Variants in SPMIP4 observed in about 807,000 individuals in gnomAD.
SPMIP4 encodes sperm microtubule inner protein 4, also known as sperm-associated microtubule inner protein 4.
At chr7:25,155,072 C>G in the SPMIP4 span, 3 of 1,614,088 alleles carry the variant, frequency 1.9e-6, no homozygotes, top group Admixed American at 3.3e-5. Context: ...GAAAGGGCTG[C>G]TGGGTGCGGG....
chr7:25,127,050 C>T, the SPMIP4 span, among the ~76,000 whole-genome samples: 2 of 152,194 alleles, frequency 1.3e-5, no homozygotes, highest in East Asian at 1.9e-4. Context: ...AGTTTGCTGC[C>T]AGACTTATTA....
At chr7:25,136,568 G>A in the SPMIP4 span, 11 of 1,614,144 alleles carry the variant, frequency 6.8e-6, no homozygotes, top group East Asian at 6.7e-5. This position sits in a 1 kb window ranked among gnomAD's most constrained non-coding sequence, Gnocchi z 5.7. Context: ...TCAATATCCT[G>A]GTTTTTATGG....
At chr7:25,134,609 C>G in the SPMIP4 span, 1 of 905,312 alleles carries the variant, frequency 1.1e-6, no homozygotes, top group Non-Finnish European at 1.3e-6. Context: ...TAATTTCTAA[C>G]TAATTTCCAT....
the SPMIP4 span, among the ~76,000 whole-genome samples, chr7:25,126,430 G>A: frequency 3.6e-4 from 55 of 152,224 alleles, no homozygotes; most frequent in South Asian, 0.011. Flanking sequence ...ACCCGCATCG[G>A]CCTCCCAAAG....
chr7:25,125,825 G>C, the SPMIP4 span: 3 of 726,020 alleles, frequency 4.1e-6, no homozygotes, highest in East Asian at 1.3e-4. Context: ...CTGGAACCAG[G>C]AGTTACACGA....
the SPMIP4 span, among the ~76,000 whole-genome samples, chr7:25,145,198 A>G: frequency 6.7e-6 from 1 of 148,570 alleles, no homozygotes; most frequent in Non-Finnish European, 1.5e-5. Flanking sequence ...TCCTGACCTC[A>G]GGTGATTTGC....
At chr7:25,137,301 CTT>C in the SPMIP4 span, among the ~76,000 whole-genome samples, 83 of 127,022 alleles carry the variant, frequency 6.5e-4, no homozygotes, top group Admixed American at 1.1e-3. Context: ...GCTGAATTTT[CTT>C]TTTTTTTTTT....
chr7:25,162,757 CATTT>C, the SPMIP4 span, among the ~76,000 whole-genome samples: 3 of 151,574 alleles, frequency 2.0e-5, no homozygotes, highest in Admixed American at 6.6e-5. Context: ...TAGGATTTGG[CATTT>C]ATTTATTTAT....
the SPMIP4 span, among the ~76,000 whole-genome samples, chr7:25,147,548 C>T: frequency 2.0e-5 from 3 of 152,216 alleles, no homozygotes; most frequent in East Asian, 3.9e-4. Flanking sequence ...ATCTCAGTAG[C>T]TGCTCAAGGC....
the SPMIP4 span, among the ~76,000 whole-genome samples, chr7:25,140,776 C>T: frequency 7.6e-6 from 1 of 132,284 alleles, no homozygotes; most frequent in Non-Finnish European, 1.6e-5. Context: ...TTAGTAGAGA[C>T]GGGTCTCACC....
At chr7:25,158,329 A>T in the SPMIP4 span, among the ~76,000 whole-genome samples, 4 of 142,978 alleles carry the variant, frequency 2.8e-5, no homozygotes, top group African/African-American at 1.0e-4. Flanking sequence ...TGATGGCACT[A>T]CTGTACTCCA....
chr7:25,165,306 G>C, the SPMIP4 span, among the ~76,000 whole-genome samples: 3 of 152,100 alleles, frequency 2.0e-5, no homozygotes, highest in East Asian at 5.8e-4. Context: ...CTTTATTAGA[G>C]AGCATAGGTA....
At chr7:25,160,439 C>T in the SPMIP4 span, among the ~76,000 whole-genome samples, 1 of 152,120 alleles carries the variant, frequency 6.6e-6, no homozygotes, top group Non-Finnish European at 1.5e-5. Context: ...GCTGGGATTA[C>T]AGCCGCCTGC....
chr7:25,168,468 GT>G, the SPMIP4 span: 1 of 1,568,928 alleles, frequency 6.4e-7, no homozygotes, highest in Non-Finnish European at 8.6e-7. Context: ...CCTGATACCT[GT>G]GAAAAAAGAG....
the SPMIP4 span, among the ~76,000 whole-genome samples, chr7:25,141,574 GAAA>G: frequency 3.4e-3 from 322 of 94,896 alleles, 3 homozygotes; most frequent in Middle Eastern, 0.018. Context: ...CTGTCTCAAG[GAAA>G]AAAAAAAAAA....
At chr7:25,135,683 G>A in the SPMIP4 span, 1 of 917,258 alleles carries the variant, frequency 1.1e-6, no homozygotes, top group Non-Finnish European at 1.3e-6. Context: ...TGCTTTTTGT[G>A]ATTTTGGAAA....
the SPMIP4 span, among the ~76,000 whole-genome samples, chr7:25,177,728 C>T: frequency 3.3e-4 from 50 of 152,000 alleles, no homozygotes; most frequent in Middle Eastern, 3.4e-3. Context: ...AAAAGAATTA[C>T]TACATACAAA....
the SPMIP4 span, among the ~76,000 whole-genome samples, chr7:25,148,264 G>A: frequency 1.3e-4 from 20 of 152,246 alleles, no homozygotes; most frequent in African/African-American, 4.8e-4. Flanking sequence ...CAATAGGAAA[G>A]GTAAATACTA....
the SPMIP4 span, chr7:25,179,057 A>ACAAACAAG: frequency 8.2e-7 from 1 of 1,213,552 alleles, no homozygotes; most frequent in South Asian, 1.7e-5. Context: ...AAACAAACAA[A>ACAAACAAG]CAAACAAACA....
Sources: allele counts gnomAD v4.1 joint callset (sites outside exome capture counted in the v4.1 genomes callset), GRCh38; gene constraint gnomAD v4.1.1; non-coding constraint Gnocchi (gnomAD v3.1); transcripts MANE v1.5; gene names NCBI Gene and HGNC (gene_info 2026-07-23, HGNC 2026-07-21).